The following TRAF5 variants were observed in gnomAD, a reference collection of about 807,000 sequenced individuals.
TRAF5 encodes the protein TNF receptor associated factor 5, also known as TNF receptor-associated factor 5.
In TRAF5, 48 loss-of-function variants were observed where a neutral mutation model predicts 64.5. That is an observed-to-expected ratio of 0.74 (90% CI 0.59 to 0.95). The LOEUF (loss-of-function observed/expected upper bound fraction) is 0.95, where lower values mean the gene tolerates loss of function less well. Among genes scored for constraint, TRAF5 ranks in the 40% least tolerant of loss-of-function variants. The pLI, the probability that TRAF5 is intolerant of heterozygous loss-of-function variation, is 0.00. For missense variants in TRAF5, 545 were observed against 662.8 expected, an observed-to-expected ratio of 0.82 and a Z score of 1.95; for synonymous variants, 206 against 240.5, an observed-to-expected ratio of 0.86 and a Z score of 1.33.
chr1:211,330,438 A>G (rs1201757749), intron 1 of TRAF5, among the ~76,000 whole-genome samples: 1 of 150,512 alleles, frequency 6.6e-6, no homozygotes, highest in Non-Finnish European at 1.5e-5. Context: ...TTTTCCACGT[A>G]CACTCCCAAG....
intron 1 of TRAF5, among the ~76,000 whole-genome samples, chr1:211,342,741 A>G (rs905002613): frequency 6.6e-6 from 1 of 152,240 alleles, no homozygotes; most frequent in African/African-American, 2.4e-5. Context: ...CCCACAAACA[A>G]GAACATGTGA....
chr1:211,363,964 T>TG (rs1703267767), intron 7 of TRAF5, among the ~76,000 whole-genome samples: 1 of 151,550 alleles, frequency 6.6e-6, no homozygotes, highest in African/African-American at 2.4e-5. Flanking sequence ...AAAAATGATC[T>TG]TTACAGTCAG....
intron 7 of TRAF5, among the ~76,000 whole-genome samples, chr1:211,363,131 G>T (rs931256320): frequency 6.6e-6 from 1 of 152,000 alleles, no homozygotes; most frequent in Non-Finnish European, 1.5e-5. Flanking sequence ...AGGGCAATTT[G>T]GTTATCTCTA....
At chr1:211,347,990 A>C (rs1186444970) in intron 1 of TRAF5, among the ~76,000 whole-genome samples, 1 of 152,208 alleles carries the variant, frequency 6.6e-6, no homozygotes, top group African/African-American at 2.4e-5. Flanking sequence ...AGATTATTAA[A>C]TGTTTACTAG....
At chr1:211,345,463 C>CGGCA (rs1702577851) in intron 1 of TRAF5, among the ~76,000 whole-genome samples, 1 of 151,978 alleles carries the variant, frequency 6.6e-6, no homozygotes, top group African/African-American at 2.4e-5. Flanking sequence ...AGAGAACTGC[C>CGGCA]GATCCTAGCA....
chr1:211,369,643 TGA>T (rs1230607790), intron 9 of TRAF5, 51 bp downstream of exon 9: 2 of 1,484,530 alleles, frequency 1.3e-6, no homozygotes, highest in East Asian at 4.9e-5. Context: ...TCAATTGCAG[TGA>T]GAGTTTTTCT....
At chr1:211,330,789 C>T (rs1702137442) in intron 1 of TRAF5, among the ~76,000 whole-genome samples, 1 of 152,182 alleles carries the variant, frequency 6.6e-6, no homozygotes, top group African/African-American at 2.4e-5. Context: ...CCTTCCTTGA[C>T]CTCCAGCTTC....
chr1:211,334,984 G>T (rs191869617), intron 1 of TRAF5, among the ~76,000 whole-genome samples: 1 of 152,262 alleles, frequency 6.6e-6, no homozygotes, highest in Admixed American at 6.5e-5. Context: ...ACTGCTGTGT[G>T]GCCCTTTGAA....
At chr1:211,338,681 G>C (rs1314183963) in intron 1 of TRAF5, among the ~76,000 whole-genome samples, 9 of 152,138 alleles carry the variant, frequency 5.9e-5, no homozygotes, top group Non-Finnish European at 1.3e-4. Context: ...CTGGAGTGCA[G>C]TGGTGCAGTC....
rs1239846905 is a variant in TRAF5 at position 211,372,663 on chromosome 1, G to C, written c.1635G>C (p.Leu545Phe). Residue 545 changes from leucine (L) to phenylalanine (F), a missense_variant, in exon 11 of 11, where the codon TTG becomes TTC. Leu to Phe is a conservative substitution (Grantham distance 22). Coordinates refer to ENST00000261464, the MANE Select transcript of TRAF5 (RefSeq NM_001033910.3). ...ACATTAAAGATGACACTCTGTTCTT[G>C]AAAGTGGCCGTGGACTTAACTGACC... ...NAYIKDDTLF[L>F]KVAVDLTDLE... 3 of 1,614,184 alleles carry C rather than the reference G, an allele frequency of 1.9e-6. No individual in the cohort carries two copies. The African/African-American group carries it at 4.0e-5, about 22-fold the overall frequency.
At chr1:211,350,135 C>T (rs758258502) in intron 1 of TRAF5, among the ~76,000 whole-genome samples, 9 of 151,780 alleles carry the variant, frequency 5.9e-5, no homozygotes, top group Non-Finnish European at 1.3e-4. Flanking sequence ...TACTGCTTAC[C>T]TACCACCCTT....
At chr1:211,330,727 G>A (rs1487796244) in intron 1 of TRAF5, among the ~76,000 whole-genome samples, 4 of 152,162 alleles carry the variant, frequency 2.6e-5, no homozygotes, top group Non-Finnish European at 5.9e-5. Flanking sequence ...AGCCCACGCT[G>A]CAGCTATTAC....
At chr1:211,365,937 TAA>T (rs747029397) in intron 8 of TRAF5, among the ~76,000 whole-genome samples, 18 of 152,234 alleles carry the variant, frequency 1.2e-4, no homozygotes, top group Non-Finnish European at 2.4e-4. Flanking sequence ...AATTTTGTGA[TAA>T]GTCTAAACTG....
chr1:211,338,075 TAAGAG>T (rs1480032527), intron 1 of TRAF5, among the ~76,000 whole-genome samples: 2 of 152,082 alleles, frequency 1.3e-5, no homozygotes, highest in Admixed American at 6.6e-5. Context: ...CTCCAAGAGA[TAAGAG>T]AAGGTGACCT....
chr1:211,372,997 G>A lies in TRAF5; in HGVS notation c.*295G>A, dbSNP rs563099824. On this transcript the variant is annotated 3_prime_UTR_variant, in exon 11 of 11. Transcript: ENST00000261464. Reference sequence around the variant, plus strand: ...CGTTTCTCTTTTACTGGTGCTTAGCGCAGTGTCTCGGGCACTCTAAATATT... The same window carrying A: ...CGTTTCTCTTTTACTGGTGCTTAGCACAGTGTCTCGGGCACTCTAAATATT... The A allele has an allele frequency of 3.8e-4, 92 of 245,058 alleles. No homozygotes were observed. The highest frequency in any genetic ancestry group is 1.8e-3 in the South Asian group (25 of 13,826). The allele number at this position is 245,058 out of a possible 1,614,324, so 15.2% of individuals were successfully genotyped here. A position where few individuals can be genotyped will look rare whatever the true frequency, so the allele number is the denominator to read the frequency against.
intron 1 of TRAF5, among the ~76,000 whole-genome samples, chr1:211,327,168 T>C (rs1436005138): frequency 6.6e-6 from 1 of 151,478 alleles, no homozygotes; most frequent in African/African-American, 2.4e-5. Context: ...GGGAGAGGTG[T>C]GGCGAGGGCG....
chr1:211,328,828 T>C (rs576382939), intron 1 of TRAF5, among the ~76,000 whole-genome samples: 1 of 152,376 alleles, frequency 6.6e-6, no homozygotes, highest in East Asian at 1.9e-4. Flanking sequence ...TGTTCTCATT[T>C]CGTCCTCCAT....
chr1:211,353,142 A>G, intron 1 of TRAF5, 97 bp from the exon 2 acceptor site: 1 of 1,176,016 alleles, frequency 8.5e-7, no homozygotes, highest in Non-Finnish European at 1.2e-6. Flanking sequence ...TGAATGATGT[A>G]CACTAATTAT....
Position 211,369,479 on chromosome 1 carries a change from C to G in TRAF5, c.817C>G (p.Gln273Glu). Reference protein sequence around the residue: ...QISDLHKSLEQKESKIQQLAE... With the variant: ...QISDLHKSLEEKESKIQQLAE... Reference sequence around the variant, plus strand: ...TTCTGACTTACACAAGAGCCTAGAACAGAAAGAAAGTAAAATCCAGCAGCT... The same window carrying G: ...TTCTGACTTACACAAGAGCCTAGAAGAGAAAGAAAGTAAAATCCAGCAGCT... The change falls in exon 9 of 11, where the codon CAG (glutamine) becomes GAG (glutamate). Residue 273 changes from glutamine (Q) to glutamate (E), a missense_variant. Gln to Glu is a conservative substitution (Grantham distance 29). Coordinates refer to ENST00000261464, the MANE Select transcript of TRAF5 (RefSeq NM_001033910.3). 6.2e-7 allele frequency: 1 copy of G among 1,608,200 alleles called. No individual in the cohort carries two copies. The highest frequency in any genetic ancestry group is 8.5e-7 in the Non-Finnish European group (1 of 1,178,154).
Sources: gnomAD v4.1 joint callset for allele counts (sites outside exome capture counted in the v4.1 genomes callset) on GRCh38, gnomAD v4.1.1 for gene constraint, MANE v1.5 for transcripts, NCBI Gene and HGNC (gene_info 2026-07-23, HGNC 2026-07-21) for gene names.